METTL15: variants seen among roughly 807,000 people sequenced by gnomAD.
METTL15 encodes the protein 12S rRNA N(4)-cytidine methyltransferase METTL15.
Under a neutral mutation model 38.3 loss-of-function variants are expected in METTL15, and 34 were observed. The observed-to-expected ratio is 0.89, with a 90% CI of 0.68 to 1.18. The LOEUF is 1.18. Among genes scored for constraint, METTL15 ranks in the 50% most tolerant of loss-of-function variants. The pLI, the probability that METTL15 is intolerant of heterozygous loss-of-function variation, is 0.00. For missense variants in METTL15, 438 were observed against 498.4 expected (o/e 0.88, Z 1.15); for synonymous variants, 162 against 170.9 (o/e 0.95, Z 0.41).
At chr11:28,280,937 GTTATC>G (rs1856031978) in intron 4 of METTL15, among the ~76,000 whole-genome samples, 1 of 150,834 alleles carries the variant, frequency 6.6e-6, no homozygotes, top group African/African-American at 2.4e-5. Context: ...ATATTAACCA[GTTATC>G]TTATAGTCCA....
chr11:28,188,498 C>T (rs577769353), intron 3 of METTL15, among the ~76,000 whole-genome samples: 8 of 151,274 alleles, frequency 5.3e-5, no homozygotes, highest in Non-Finnish European at 1.0e-4. Flanking sequence ...TAAAAATTGA[C>T]TCATGTCCAA....
chr11:28,456,597 T>A (rs1851171164), intron 6 of METTL15, among the ~76,000 whole-genome samples: 1 of 151,906 alleles, frequency 6.6e-6, no homozygotes, highest in South Asian at 2.1e-4. Context: ...CACGCCACCA[T>A]GCCCTGTTAA....
intron 4 of METTL15, among the ~76,000 whole-genome samples, chr11:28,259,006 T>C (rs1185451661): frequency 2.0e-5 from 3 of 152,104 alleles, no homozygotes; most frequent in Admixed American, 6.5e-5. Context: ...AGCCAGCAAG[T>C]CTCACAGTTT....
At chr11:28,484,389 G>A (rs760633350) in intron 6 of METTL15, among the ~76,000 whole-genome samples, 1 of 152,128 alleles carries the variant, frequency 6.6e-6, no homozygotes, top group Non-Finnish European at 1.5e-5. Context: ...CCCTAAATGC[G>A]ACACTGCCCT....
At chr11:28,283,476 A>T (rs1490949174) in intron 4 of METTL15, among the ~76,000 whole-genome samples, 1 of 152,150 alleles carries the variant, frequency 6.6e-6, no homozygotes, top group Non-Finnish European at 1.5e-5. Flanking sequence ...CTCTTATTAG[A>T]TTGTATGCCG....
chr11:28,143,527 CCTT>C (rs1210970283), intron 3 of METTL15, among the ~76,000 whole-genome samples: 1 of 152,118 alleles, frequency 6.6e-6, no homozygotes, highest in Non-Finnish European at 1.5e-5. Flanking sequence ...TCTAATTCAT[CCTT>C]CTTCTTTTGT....
chr11:28,211,490 C>A (rs976384903), intron 4 of METTL15, among the ~76,000 whole-genome samples: 5 of 152,114 alleles, frequency 3.3e-5, no homozygotes, highest in African/African-American at 9.6e-5. Flanking sequence ...TTGACAATAA[C>A]TCATAGTCAA....
chr11:28,287,398 G>C (rs1270528693), intron 4 of METTL15: 2 of 377,410 alleles, frequency 5.3e-6, no homozygotes, highest in Non-Finnish European at 1.0e-5. Context: ...TCAAATCTGG[G>C]GGCTGATCAC....
intron 4 of METTL15, among the ~76,000 whole-genome samples, chr11:28,230,679 A>G (rs190175319): frequency 3.3e-5 from 5 of 152,096 alleles, no homozygotes; most frequent in Admixed American, 1.3e-4. Flanking sequence ...ATTAAGTCAA[A>G]TGAGTTTGCT....
At chr11:28,218,649 G>T (rs1853026869) in intron 4 of METTL15, among the ~76,000 whole-genome samples, 1 of 152,102 alleles carries the variant, frequency 6.6e-6, no homozygotes, top group South Asian at 2.1e-4. Flanking sequence ...TTTTCAAAGG[G>T]AATGCTTCCA....
chr11:28,526,214 G>A (rs557675385), intron 6 of METTL15, among the ~76,000 whole-genome samples: 112 of 152,332 alleles, frequency 7.4e-4, no homozygotes, highest in African/African-American at 2.5e-3. Flanking sequence ...GCCTCAACCA[G>A]CCCAGAGAGG....
chr11:28,124,659 C>T (rs1307847877), intron 3 of METTL15, among the ~76,000 whole-genome samples: 1 of 152,026 alleles, frequency 6.6e-6, no homozygotes, highest in Non-Finnish European at 1.5e-5. Flanking sequence ...AGTGTTAATA[C>T]TAAAAAGGAA....
intron 4 of METTL15, among the ~76,000 whole-genome samples, chr11:28,280,781 G>A (rs1411777826): frequency 6.6e-6 from 1 of 150,546 alleles, no homozygotes. Context: ...TTTGTGAGCT[G>A]CTTTTAAGCC....
At chr11:28,169,348 A>C (rs1460075442) in intron 3 of METTL15, among the ~76,000 whole-genome samples, 1 of 152,176 alleles carries the variant, frequency 6.6e-6, no homozygotes, top group African/African-American at 2.4e-5. Context: ...TGGTTGTTCA[A>C]ATATTTGAAA....
At chr11:28,282,036 A>G (rs1448857305) in intron 4 of METTL15, among the ~76,000 whole-genome samples, 1 of 152,258 alleles carries the variant, frequency 6.6e-6, no homozygotes, top group African/African-American at 2.4e-5. Context: ...GTTTTTAAAA[A>G]GTATTTCTTG....
intron 5 of METTL15, among the ~76,000 whole-genome samples, chr11:28,394,625 A>G (rs555577761): frequency 2.0e-5 from 3 of 152,118 alleles, no homozygotes; most frequent in Admixed American, 1.3e-4. Context: ...TGCACTGAAG[A>G]TATTAGATTT....
intron 6 of METTL15, among the ~76,000 whole-genome samples, chr11:28,433,458 T>G (rs1850953360): frequency 6.6e-6 from 1 of 152,140 alleles, no homozygotes; most frequent in Admixed American, 6.6e-5. Flanking sequence ...GGCAAATCAC[T>G]TCAAATTCCC....
intron 4 of METTL15, among the ~76,000 whole-genome samples, chr11:28,265,531 C>A (rs1855379242): frequency 6.6e-6 from 1 of 151,732 alleles, no homozygotes; most frequent in South Asian, 2.1e-4. Context: ...TCTGGATGAG[C>A]ATCTTAATGA....
intron 5 of METTL15, among the ~76,000 whole-genome samples, chr11:28,379,648 T>C (rs1475134772): frequency 6.6e-6 from 1 of 152,202 alleles, no homozygotes; most frequent in African/African-American, 2.4e-5. Context: ...TTCTGGAGAA[T>C]GTTTCATGTA....
Sources: allele counts gnomAD v4.1 joint callset (sites outside exome capture counted in the v4.1 genomes callset), GRCh38; gene constraint gnomAD v4.1.1; transcripts MANE v1.5; gene names NCBI Gene and HGNC (gene_info 2026-07-23, HGNC 2026-07-21).